The following DRC11 variants were observed in gnomAD, a reference collection of about 807,000 sequenced individuals.
DRC11 encodes the protein dynein regulatory complex subunit 11.
the DRC11 span, among the ~76,000 whole-genome samples, chr2:236,356,394 C>T: frequency 0.021 from 3,199 of 152,174 alleles, 57 homozygotes; most frequent in African/African-American, 0.072. Flanking sequence ...CCAGCAGACC[C>T]GCTGGCCCAG....
chr2:236,329,868 G>A, the DRC11 span, among the ~76,000 whole-genome samples: 2 of 152,040 alleles, frequency 1.3e-5, no homozygotes, highest in African/African-American at 2.4e-5. Flanking sequence ...TTCTCATCCC[G>A]GGTCATAAAA....
At chr2:236,385,299 A>G in the DRC11 span, among the ~76,000 whole-genome samples, 2 of 145,944 alleles carry the variant, frequency 1.4e-5, no homozygotes, top group African/African-American at 5.1e-5. Context: ...ATGAGCATGG[A>G]ATGTTCTTCC....
the DRC11 span, among the ~76,000 whole-genome samples, chr2:236,327,719 G>A: frequency 1.3e-5 from 2 of 151,722 alleles, no homozygotes; most frequent in Admixed American, 6.6e-5. Flanking sequence ...AGTTTCGCTC[G>A]TTGCCCAGGC....
the DRC11 span, chr2:236,377,152 T>C: frequency 2.5e-6 from 4 of 1,612,858 alleles, no homozygotes; most frequent in Non-Finnish European, 3.4e-6. The surrounding 1 kb of genome is among the most constrained non-coding windows in gnomAD (Gnocchi z 4.9). Context: ...GTAATCCTTC[T>C]TCCACCAGTT....
chr2:236,369,795 C>T, the DRC11 span, among the ~76,000 whole-genome samples: 5 of 152,194 alleles, frequency 3.3e-5, no homozygotes, highest in Admixed American at 6.5e-5. The surrounding 1 kb of genome is among the most constrained non-coding windows in gnomAD (Gnocchi z 4.5). Context: ...CCTTCCCATC[C>T]GTGCATTCGG....
At chr2:236,377,359 T>A in the DRC11 span, among the ~76,000 whole-genome samples, 1 of 152,228 alleles carries the variant, frequency 6.6e-6, no homozygotes. The surrounding 1 kb of genome is among the most constrained non-coding windows in gnomAD (Gnocchi z 4.9). Flanking sequence ...TAAATTAGGC[T>A]TTTTAAAAAC....
At chr2:236,493,148 A>AG in the DRC11 span, among the ~76,000 whole-genome samples, 10 of 152,286 alleles carry the variant, frequency 6.6e-5, no homozygotes, top group South Asian at 8.3e-4. Context: ...GGCAGACAAG[A>AG]CAGTTTGTGC....
chr2:236,341,979 C>T, the DRC11 span, among the ~76,000 whole-genome samples: 8 of 152,198 alleles, frequency 5.3e-5, no homozygotes, highest in African/African-American at 1.7e-4. Flanking sequence ...TTTTCCTGTC[C>T]GCAACAGTGT....
At chr2:236,431,819 A>G in the DRC11 span, among the ~76,000 whole-genome samples, 217 of 152,244 alleles carry the variant, frequency 1.4e-3, 6 homozygotes, top group East Asian at 0.032. This position sits in a 1 kb window ranked among gnomAD's most constrained non-coding sequence, Gnocchi z 4.2. Flanking sequence ...TATTTTACCT[A>G]TCTATTCCCC....
At chr2:236,378,101 C>G in the DRC11 span, among the ~76,000 whole-genome samples, 1 of 152,104 alleles carries the variant, frequency 6.6e-6, no homozygotes, top group Non-Finnish European at 1.5e-5. Context: ...CAGTTAGACC[C>G]AAGCCAAATA....
the DRC11 span, among the ~76,000 whole-genome samples, chr2:236,432,545 T>G: frequency 6.6e-6 from 1 of 152,170 alleles, no homozygotes; most frequent in African/African-American, 2.4e-5. Flanking sequence ...TCGAATTCAT[T>G]TGAGTTTTCT....
chr2:236,455,459 G>C, the DRC11 span, among the ~76,000 whole-genome samples: 1 of 152,210 alleles, frequency 6.6e-6, no homozygotes, highest in African/African-American at 2.4e-5. The surrounding 1 kb of genome is among the most constrained non-coding windows in gnomAD (Gnocchi z 5.7). Flanking sequence ...CTAGTGATGG[G>C]AGGTGCTGCA....
At chr2:236,373,306 C>T in the DRC11 span, among the ~76,000 whole-genome samples, 3 of 150,710 alleles carry the variant, frequency 2.0e-5, no homozygotes, top group African/African-American at 7.3e-5. Context: ...CCCCAGGCTG[C>T]AGTGCATTGG....
At chr2:236,479,692 C>T in the DRC11 span, among the ~76,000 whole-genome samples, 27 of 152,264 alleles carry the variant, frequency 1.8e-4, no homozygotes, top group East Asian at 4.8e-3. This position sits in a 1 kb window ranked among gnomAD's most constrained non-coding sequence, Gnocchi z 4.1. Context: ...TATTACTTGT[C>T]TCTTAACAAT....
the DRC11 span, among the ~76,000 whole-genome samples, chr2:236,490,963 T>C: frequency 6.8e-6 from 1 of 147,416 alleles, no homozygotes; most frequent in Non-Finnish European, 1.5e-5. The surrounding 1 kb of genome is among the most constrained non-coding windows in gnomAD (Gnocchi z 5.5). Flanking sequence ...TGTGTGTATA[T>C]ATGTGTATAT....
chr2:236,355,749 C>CTG, the DRC11 span, among the ~76,000 whole-genome samples: 3,158 of 107,922 alleles, frequency 0.029, 107 homozygotes, highest in African/African-American at 0.088. Flanking sequence ...CTCTCTCTCT[C>CTG]TGTGTGTGTG....
chr2:236,340,026 G>C, the DRC11 span, among the ~76,000 whole-genome samples: 5 of 152,322 alleles, frequency 3.3e-5, no homozygotes, highest in Middle Eastern at 3.4e-3. Context: ...TTCAACCAAT[G>C]AATACAAATG....
the DRC11 span, among the ~76,000 whole-genome samples, chr2:236,491,252 A>ATATATATATATATATATATACACAG: frequency 1.3e-5 from 1 of 77,614 alleles, no homozygotes; most frequent in Non-Finnish European, 2.8e-5. Flanking sequence ...CACAGTATAT[A>ATATATATATATATATATATACACAG]TATATATATA....
chr2:236,382,214 T>C, the DRC11 span, among the ~76,000 whole-genome samples: 1 of 152,228 alleles, frequency 6.6e-6, no homozygotes, highest in Non-Finnish European at 1.5e-5. Flanking sequence ...TCTTTCCTCC[T>C]TTGAATTGCT....
Sources: allele counts gnomAD v4.1 joint callset (sites outside exome capture counted in the v4.1 genomes callset), GRCh38; gene constraint gnomAD v4.1.1; non-coding constraint Gnocchi (gnomAD v3.1); transcripts MANE v1.5; gene names NCBI Gene and HGNC (gene_info 2026-07-23, HGNC 2026-07-21).